ZMYM4: variants seen among roughly 807,000 people sequenced by gnomAD.
The protein encoded by ZMYM4 is zinc finger MYM-type protein 4.
A neutral mutation model predicts 183.2 loss-of-function variants in ZMYM4; 31 were observed. The observed-to-expected ratio is 0.17, with a 90% CI of 0.13 to 0.23. ZMYM4 has a LOEUF of 0.23. Among genes scored for constraint, ZMYM4 ranks in the 10% least tolerant of loss-of-function variants. The pLI, the probability that ZMYM4 is intolerant of heterozygous loss-of-function variation, is 1.00. For missense variants in ZMYM4, 1,273 were observed against 1,840.3 expected, an observed-to-expected ratio of 0.69 and a Z score of 5.64; for synonymous variants, 592 against 631.2, an observed-to-expected ratio of 0.94 and a Z score of 0.93.
intron 2 of ZMYM4, among the ~76,000 whole-genome samples, chr1:35,331,554 G>A (rs970487565): frequency 6.6e-6 from 1 of 152,062 alleles, no homozygotes; most frequent in African/African-American, 2.4e-5. Flanking sequence ...GGGAGGCCGA[G>A]GTGGGTGGAT....
At chr1:35,309,975 T>C (rs1641720616) in intron 1 of ZMYM4, among the ~76,000 whole-genome samples, 1 of 148,328 alleles carries the variant, frequency 6.7e-6, no homozygotes, top group African/African-American at 2.5e-5. Context: ...TCGCCCAAGG[T>C]CTAGAGTGCA....
intron 1 of ZMYM4, among the ~76,000 whole-genome samples, chr1:35,284,166 CG>C (rs1395761997): frequency 2.6e-5 from 4 of 151,276 alleles, no homozygotes; most frequent in African/African-American, 9.7e-5. Context: ...TTAGTAGAGA[CG>C]GGGTTTCACC....
At chr1:35,338,633 G>C (rs1480822314) in intron 2 of ZMYM4, among the ~76,000 whole-genome samples, 1 of 152,200 alleles carries the variant, frequency 6.6e-6, no homozygotes, top group African/African-American at 2.4e-5. Context: ...GCCAACACTT[G>C]ATTTATTAGA....
rs552128532 is a variant in ZMYM4 at position 35,305,788 on chromosome 1, A to G, written c.40-19572A>G. ...GGTCTCCAACTCCAGGCCTCAAGTGATCCTCCTTCCTTTGCCTCCCAAAGT... is the reference window on the plus strand; with the variant it reads ...GGTCTCCAACTCCAGGCCTCAAGTGGTCCTCCTTCCTTTGCCTCCCAAAGT... On this transcript the variant is annotated intron_variant, in intron 1 of 29. Coordinates refer to ENST00000314607, the MANE Select transcript of ZMYM4 (RefSeq NM_005095.3). 2.0e-5 allele frequency among the ~76,000 whole-genome samples: 3 copies of G among 147,798 alleles called. No homozygotes were observed. In the South Asian group the frequency reaches 6.5e-4, roughly 32 times the overall value.
intron 1 of ZMYM4, among the ~76,000 whole-genome samples, chr1:35,322,518 T>C (rs1270355944): frequency 6.6e-6 from 1 of 152,178 alleles, no homozygotes; most frequent in African/African-American, 2.4e-5. Flanking sequence ...TGTCATCTTC[T>C]AGTTCTCTTT....
chr1:35,309,611 A>G (rs1400922936), intron 1 of ZMYM4, among the ~76,000 whole-genome samples: 1 of 152,164 alleles, frequency 6.6e-6, no homozygotes, highest in Non-Finnish European at 1.5e-5. Context: ...TTTTGTTAGT[A>G]GATTTTTAGG....
chr1:35,380,558 C>T (rs900045800), intron 7 of ZMYM4, among the ~76,000 whole-genome samples: 4 of 152,134 alleles, frequency 2.6e-5, no homozygotes, highest in African/African-American at 9.7e-5. Context: ...GATCTCCTGA[C>T]CTTGTGATCC....
Position 35,405,395 on chromosome 1 carries a change from C to T in ZMYM4, c.3723C>T (p.Ser1241=). ...KCGGVEQASS[S]PRSDPLGSTQ... ...CAGGGGTTGAACAGGCCTCATCTAG[C>T]CCACGTTCTGACCCCTTAGGAAGTA... The change falls in exon 25 of 30, where the codon AGC becomes AGT. Residue 1241 remains serine, a synonymous_variant. Transcript: ENST00000314607. 1 of 1,613,406 alleles carries T rather than the reference C, an allele frequency of 6.2e-7. No homozygotes were observed. Among genetic ancestry groups the T allele is most frequent in the South Asian group, 1.1e-5 (1 of 90,858 alleles).
intron 2 of ZMYM4, among the ~76,000 whole-genome samples, chr1:35,329,656 A>G (rs1294184805): frequency 6.6e-6 from 1 of 152,196 alleles, no homozygotes; most frequent in Non-Finnish European, 1.5e-5. Context: ...TATTATTTTG[A>G]CTACTTTCAG....
chr1:35,344,354 G>A (rs745412128), intron 2 of ZMYM4, among the ~76,000 whole-genome samples: 18 of 151,930 alleles, frequency 1.2e-4, no homozygotes, highest in Admixed American at 5.2e-4. Flanking sequence ...GTGCCCAGCC[G>A]CTAGGATGTT....
chr1:35,393,679 A>C lies in ZMYM4; in HGVS notation c.2851A>C (p.Ile951Leu). ...GAACAAAGCTTTATTATGCAAACCC[A>C]TCACACAGACTAAAGCCACCTCTTG... ...LKNKALLCKP[I>L]TQTKATSCKP... Residue 951 changes from isoleucine to leucine, a missense_variant, in exon 18 of 30, where the codon ATC becomes CTC. By Grantham distance (5) the Ile-to-Leu change is conservative. Coordinates refer to ENST00000314607, the MANE Select transcript of ZMYM4 (RefSeq NM_005095.3). The C allele has an allele frequency of 6.2e-7, 1 of 1,612,492 alleles. No individual in the cohort carries two copies. Among genetic ancestry groups the C allele is most frequent in the Non-Finnish European group, 8.5e-7 (1 of 1,178,934 alleles).
At chr1:35,274,220 G>A (rs1639757097) in intron 1 of ZMYM4, among the ~76,000 whole-genome samples, 1 of 152,138 alleles carries the variant, frequency 6.6e-6, no homozygotes, top group African/African-American at 2.4e-5. Flanking sequence ...TCTTTGTTTA[G>A]AGACCATTTG....
In ZMYM4 at chr1:35,408,123, A is replaced by C; in HGVS notation, c.3912A>C (p.Pro1304=). Residue 1304 remains proline (P), a synonymous_variant, in exon 26 of 30, where the codon CCA becomes CCC. Coordinates refer to ENST00000314607, the MANE Select transcript of ZMYM4 (RefSeq NM_005095.3). The part of the protein sequence containing the change: ...VRRPNGEKYD[P]DSILYLCLGI... The stretch of plus-strand genomic sequence containing the variant: ...GACCAAATGGTGAAAAATATGATCC[A>C]GACAGTATCTTATACTTGTGCCTTG... 1 of 1,614,248 alleles carries C rather than the reference A, an allele frequency of 6.2e-7. No individual in the cohort carries two copies.
intron 2 of ZMYM4, among the ~76,000 whole-genome samples, chr1:35,343,189 A>G (rs1237974129): frequency 1.3e-5 from 2 of 152,138 alleles, no homozygotes; most frequent in Non-Finnish European, 2.9e-5. Context: ...ACAAATTTTT[A>G]ATATTGATGA....
chr1:35,268,863 G>A lies in ZMYM4; in HGVS notation c.-184G>A. The A allele has an allele frequency of 1.8e-6, 1 of 545,520 alleles. No homozygotes were observed. 33.8% of individuals were successfully genotyped at this position (545,520 alleles called of 1,614,324 possible). Reference sequence around the variant, plus strand: ...CTCCCGCCCACGCGCGGACCCGTGGGATCTCAGAAGCTGCGGCCCGGCGCG... The same window carrying A: ...CTCCCGCCCACGCGCGGACCCGTGGAATCTCAGAAGCTGCGGCCCGGCGCG... On this transcript the variant is annotated 5_prime_UTR_variant, in exon 1 of 30. Coordinates refer to ENST00000314607, the MANE Select transcript of ZMYM4 (RefSeq NM_005095.3).
chr1:35,371,206 C>T (rs1285598511), intron 7 of ZMYM4, among the ~76,000 whole-genome samples: 1 of 150,918 alleles, frequency 6.6e-6, no homozygotes, highest in Non-Finnish European at 1.5e-5. Context: ...AGCTCCGCCT[C>T]CCGGGTTCAT....
chr1:35,272,483 T>C (rs973537613), intron 1 of ZMYM4, among the ~76,000 whole-genome samples: 4 of 152,266 alleles, frequency 2.6e-5, no homozygotes, highest in African/African-American at 7.2e-5. Context: ...TTGTGACCTC[T>C]ACACAGTAGG....
chr1:35,319,441 G>A (rs1642193856), intron 1 of ZMYM4, among the ~76,000 whole-genome samples: 1 of 152,030 alleles, frequency 6.6e-6, no homozygotes, highest in Admixed American at 6.6e-5. Flanking sequence ...GGGCAATATA[G>A]CAATACCCAG....
intron 2 of ZMYM4, among the ~76,000 whole-genome samples, chr1:35,341,743 AAGT>A (rs1264535947): frequency 3.9e-5 from 6 of 152,006 alleles, no homozygotes; most frequent in African/African-American, 1.4e-4. Flanking sequence ...TTAAATATTA[AAGT>A]AGTAGTGACT....
Sources: allele counts gnomAD v4.1 joint callset (sites outside exome capture counted in the v4.1 genomes callset), GRCh38; gene constraint gnomAD v4.1.1; transcripts MANE v1.5; gene names NCBI Gene and HGNC (gene_info 2026-07-23, HGNC 2026-07-21).